Variants in PRKN observed in about 807,000 individuals in gnomAD.
The protein encoded by PRKN is E3 ubiquitin-protein ligase parkin.
A neutral mutation model predicts 59.5 loss-of-function variants in PRKN; 56 were observed. The observed-to-expected ratio is 0.94, with a 90% CI of 0.76 to 1.18. The LOEUF (loss-of-function observed/expected upper bound fraction) is 1.18, where lower values mean the gene tolerates loss of function less well. PRKN is among the 50% of genes most tolerant of loss of function. The probability of loss-of-function intolerance (pLI) is 0.00; values close to 1 mark genes in which losing one functional copy is unlikely to be tolerated. For synonymous variants in PRKN, 250 were observed against 222.1 expected (o/e 1.13, Z -1.12); for missense variants, 657 against 596.4 (o/e 1.10, Z -1.06).
intron 6 of PRKN, among the ~76,000 whole-genome samples, chr6:161,917,863 C>A (rs566396574): frequency 3.9e-5 from 6 of 152,280 alleles, no homozygotes; most frequent in African/African-American, 1.4e-4. Flanking sequence ...TGAAGGAGAG[C>A]GAGATGCAGG....
rs576759460 is a variant in PRKN, at chr6:161,661,572, A to G, written c.872-92156T>C. On this transcript the variant is annotated intron_variant, in intron 7 of 11. Transcript: ENST00000366898. Reference sequence around the variant, plus strand: ...CTGCTTCCATTTTTTTTTTTTCTGTAGCAAGTGCTGTCTCATTTCTGTATA... The same window carrying G: ...CTGCTTCCATTTTTTTTTTTTCTGTGGCAAGTGCTGTCTCATTTCTGTATA... Among the ~76,000 whole-genome samples, 10 of 148,104 alleles carry G rather than the reference A, an allele frequency of 6.8e-5. No homozygotes were observed. In the East Asian group the frequency reaches 1.8e-3, roughly 26 times the overall value.
At chr6:161,380,261 C>T (rs958662291) in intron 10 of PRKN, among the ~76,000 whole-genome samples, 1 of 152,272 alleles carries the variant, frequency 6.6e-6, no homozygotes, top group Admixed American at 6.5e-5. Context: ...TCCTCCAACC[C>T]CGTGGAGAAC....
intron 1 of PRKN, among the ~76,000 whole-genome samples, chr6:162,596,963 G>A (rs1293912754): frequency 6.6e-6 from 1 of 152,086 alleles, no homozygotes; most frequent in Admixed American, 6.6e-5. Flanking sequence ...ACTAGTTCCG[G>A]GTTTCAGACA....
At chr6:162,640,284 T>C (rs777655854) in intron 1 of PRKN, among the ~76,000 whole-genome samples, 14 of 152,162 alleles carry the variant, frequency 9.2e-5, no homozygotes, top group Non-Finnish European at 1.9e-4. Context: ...TCAAATGCGA[T>C]ATTGCTTGCA....
chr6:161,659,268 A>G (rs1157172266), intron 7 of PRKN, among the ~76,000 whole-genome samples: 1 of 152,212 alleles, frequency 6.6e-6, no homozygotes, highest in African/African-American at 2.4e-5. Context: ...CTGTGTCACA[A>G]TTGTTCAAAA....
At chr6:161,925,781 A>G (rs1778947374) in intron 6 of PRKN, among the ~76,000 whole-genome samples, 2 of 152,144 alleles carry the variant, frequency 1.3e-5, no homozygotes, top group African/African-American at 2.4e-5. Flanking sequence ...AGGAGATTCA[A>G]TGGGGATAAA....
At chr6:161,421,812 C>T (rs4235928) in intron 9 of PRKN, among the ~76,000 whole-genome samples, 137,708 of 152,294 alleles carry the variant, frequency 0.9, 62,414 homozygotes, top group East Asian at 0.96. Context: ...TTTTGAAATA[C>T]GTTCTTGAAA....
intron 5 of PRKN, among the ~76,000 whole-genome samples, chr6:162,041,469 T>C (rs1784066352): frequency 6.6e-6 from 1 of 152,162 alleles, no homozygotes. Context: ...CTCTTAAAGC[T>C]CCAAATGCCT....
chr6:162,021,461 ATTTT>A (rs72433488), intron 5 of PRKN, among the ~76,000 whole-genome samples: 322 of 24,648 alleles, frequency 0.013, 3 homozygotes, highest in African/African-American at 0.025. Flanking sequence ...ATATATATAT[ATTTT>A]TTTTTTTTTT....
At chr6:161,686,985 C>T (rs1785581285) in intron 7 of PRKN, among the ~76,000 whole-genome samples, 1 of 152,140 alleles carries the variant, frequency 6.6e-6, no homozygotes, top group Admixed American at 6.5e-5. Flanking sequence ...ATAGCTTCTT[C>T]CTTGCTGTGC....
At chr6:162,313,307 CT>C (rs1236746010) in intron 2 of PRKN, among the ~76,000 whole-genome samples, 2 of 152,012 alleles carry the variant, frequency 1.3e-5, no homozygotes, top group Non-Finnish European at 2.9e-5. Flanking sequence ...AACATTTTAC[CT>C]TCTAGTCTCT....
intron 9 of PRKN, among the ~76,000 whole-genome samples, chr6:161,539,689 T>A (rs112337816): frequency 2.0e-5 from 3 of 152,326 alleles, no homozygotes; most frequent in African/African-American, 7.2e-5. Flanking sequence ...TCAAACATTC[T>A]AGAAGGTTAT....
chr6:161,482,763 T>C (rs1173155814), intron 9 of PRKN, among the ~76,000 whole-genome samples: 1 of 152,170 alleles, frequency 6.6e-6, no homozygotes, highest in African/African-American at 2.4e-5. Context: ...TGTTTCTGGG[T>C]CTTGTTTTTT....
chr6:162,637,279 C>G (rs1231264174), intron 1 of PRKN, among the ~76,000 whole-genome samples: 14 of 137,540 alleles, frequency 1.0e-4, no homozygotes, highest in Non-Finnish European at 1.7e-4. Context: ...ACCCGCCCCC[C>G]CCCCCAAAAA....
chr6:162,089,733 G>A (rs1779397609), intron 4 of PRKN, among the ~76,000 whole-genome samples: 2 of 152,172 alleles, frequency 1.3e-5, no homozygotes, highest in South Asian at 4.1e-4. Flanking sequence ...ACCACAAGTC[G>A]CAAATATGGA....
At position 161,982,156 on chromosome 6, in the gene PRKN, T is replaced by C. The variant is rs145825962; in HGVS notation, c.619-8739A>G. Among the ~76,000 whole-genome samples the C allele has an allele frequency of 4.9e-4, 74 of 152,336 alleles. 1 individual carries two copies. The highest frequency in any genetic ancestry group is 1.7e-3 in the African/African-American group (70 of 41,574). ...CCACTCAGCCATAATTTGATGTTTA[T>C]AACTTTAAGAGCAAAAGGGAGATTG... On this transcript the variant is annotated intron_variant, in intron 5 of 11. Coordinates refer to ENST00000366898, the MANE Select transcript of PRKN (RefSeq NM_004562.3).
intron 4 of PRKN, among the ~76,000 whole-genome samples, chr6:162,099,241 A>T (rs1779868617): frequency 6.6e-6 from 1 of 152,196 alleles, no homozygotes. Flanking sequence ...CTCTCTGTGA[A>T]GACCTGGTGA....
chr6:162,235,537 G>A (rs6918948), intron 3 of PRKN, among the ~76,000 whole-genome samples: 1 of 152,204 alleles, frequency 6.6e-6, no homozygotes, highest in African/African-American at 2.4e-5. Context: ...GCCGGGCGCA[G>A]TGGCTGAAGC....
At chr6:162,341,261 A>G (rs1784165076) in intron 2 of PRKN, among the ~76,000 whole-genome samples, 1 of 152,120 alleles carries the variant, frequency 6.6e-6, no homozygotes, top group African/African-American at 2.4e-5. Context: ...GAAACAACAG[A>G]TGCTGCAGAG....
Sources: gnomAD v4.1 joint callset for allele counts (sites outside exome capture counted in the v4.1 genomes callset) on GRCh38, gnomAD v4.1.1 for gene constraint, MANE v1.5 for transcripts, NCBI Gene and HGNC (gene_info 2026-07-23, HGNC 2026-07-21) for gene names.